Variants in EGLN1 observed in about 807,000 individuals in gnomAD.
The protein encoded by EGLN1 is egl-9 family hypoxia inducible factor 1.
Under a neutral mutation model 38.3 loss-of-function variants are expected in EGLN1, and 17 were observed. The observed-to-expected ratio is 0.44, with a 90% CI of 0.30 to 0.67. The LOEUF is 0.67. EGLN1 is among the 30% of genes least tolerant of loss of function. The pLI is 0.08. For missense variants in EGLN1, 477 were observed against 603.3 expected (o/e 0.79, Z 2.19); for synonymous variants, 283 against 257.5 (o/e 1.10, Z -0.95).
intron 1 of EGLN1, among the ~76,000 whole-genome samples, chr1:231,396,220 G>A (rs1361159637): frequency 6.6e-6 from 1 of 150,376 alleles, no homozygotes; most frequent in East Asian, 1.9e-4. Context: ...TACTGACCCA[G>A]GCAGTTTTTG....
intron 1 of EGLN1, among the ~76,000 whole-genome samples, chr1:231,416,758 T>C (rs1689094022): frequency 6.6e-6 from 1 of 152,166 alleles, no homozygotes; most frequent in Non-Finnish European, 1.5e-5. Flanking sequence ...ACACAAAATG[T>C]TTTCACATAT....
At chr1:231,420,863 G>A (rs1056542420) in intron 1 of EGLN1, 135 bp downstream of exon 1, 12 of 1,551,592 alleles carry the variant, frequency 7.7e-6, no homozygotes, top group Non-Finnish European at 1.1e-5. Flanking sequence ...TCTTCCTTAC[G>A]GGGAGCTACA....
chr1:231,367,436 A>AT, intron 4 of EGLN1, 133 bp downstream of exon 4: 1 of 947,534 alleles, frequency 1.1e-6, no homozygotes. Context: ...AATGAGGCAA[A>AT]TAAGAAATCT....
At chr1:231,393,286 G>C (rs1375581965) in intron 1 of EGLN1, among the ~76,000 whole-genome samples, 1 of 152,174 alleles carries the variant, frequency 6.6e-6, no homozygotes, top group Non-Finnish European at 1.5e-5. Flanking sequence ...AAGCTCATTT[G>C]AAAGATTTTT....
chr1:231,401,601 A>G (rs1176339554), intron 1 of EGLN1, among the ~76,000 whole-genome samples: 1 of 152,102 alleles, frequency 6.6e-6, no homozygotes, highest in Non-Finnish European at 1.5e-5. Context: ...TTTATGTTAC[A>G]ATTTTTAACT....
chr1:231,391,133 T>TGA (rs1163396272), intron 1 of EGLN1, among the ~76,000 whole-genome samples: 1,485 of 56,486 alleles, frequency 0.026, 29 homozygotes, highest in African/African-American at 0.043. Context: ...TGTGTGTGTG[T>TGA]GAGACAGGGA....
chr1:231,375,200 T>G (rs1371201256), intron 1 of EGLN1, among the ~76,000 whole-genome samples: 1 of 152,046 alleles, frequency 6.6e-6, no homozygotes, highest in Non-Finnish European at 1.5e-5. Flanking sequence ...GGATTACAGG[T>G]GCATGCTGCC....
At chr1:231,415,967 C>A (rs1328005219) in intron 1 of EGLN1, among the ~76,000 whole-genome samples, 1 of 152,064 alleles carries the variant, frequency 6.6e-6, no homozygotes. Context: ...CCTACCTCAG[C>A]CTCCCAAGTA....
intron 1 of EGLN1, among the ~76,000 whole-genome samples, chr1:231,395,654 T>G (rs139158345): frequency 7.9e-5 from 12 of 152,324 alleles, no homozygotes; most frequent in African/African-American, 2.6e-4. Flanking sequence ...CCAGTGTATT[T>G]CCCTTGAAAT....
intron 4 of EGLN1, 146 bp from the exon 5 acceptor site, chr1:231,366,621 A>G (rs935721708): frequency 3.7e-6 from 3 of 801,164 alleles, no homozygotes; most frequent in Non-Finnish European, 4.1e-6. Context: ...TGTACTTCCA[A>G]AAACTTCCCT....
intron 1 of EGLN1, among the ~76,000 whole-genome samples, chr1:231,396,322 C>T (rs1688530108): frequency 2.0e-5 from 3 of 151,002 alleles, no homozygotes; most frequent in South Asian, 4.2e-4. Context: ...GGCAGGATCT[C>T]GGCTCACTGC....
rs564650969 is a variant in EGLN1 at position 231,422,265 on chromosome 1, C to A, written c.-377G>T. The A allele has an allele frequency of 1.0e-4, 16 of 158,568 alleles. No individual in the cohort carries two copies. The highest frequency in any genetic ancestry group is 1.8e-4 in the East Asian group (1 of 5,444). The allele number at this position is 158,568 out of a possible 1,614,324, so 9.8% of individuals were successfully genotyped here. ...GCCCAGGCTGTGGAGGAGCGCAGGG[C>A]ATACGGGCGCCACTCGCTCTGCGCG... On this transcript the variant is annotated 5_prime_UTR_variant, in exon 1 of 5. It removes an upstream start codon present in the reference 5' UTR. Coordinates refer to ENST00000366641, the MANE Select transcript of EGLN1 (RefSeq NM_022051.3).
intron 1 of EGLN1, among the ~76,000 whole-genome samples, chr1:231,410,152 T>A (rs947650745): frequency 1.3e-5 from 2 of 152,236 alleles, no homozygotes; most frequent in Admixed American, 1.3e-4. Context: ...GAAAGTCACC[T>A]AATGACTTGC....
intron 1 of EGLN1, among the ~76,000 whole-genome samples, chr1:231,402,916 A>T (rs1422029265): frequency 3.3e-5 from 5 of 151,954 alleles, no homozygotes; most frequent in Non-Finnish European, 7.4e-5. Flanking sequence ...TATTAAAAAA[A>T]AAAAATCAAT....
At chr1:231,390,522 T>C (rs1428537814) in intron 1 of EGLN1, among the ~76,000 whole-genome samples, 1 of 152,238 alleles carries the variant, frequency 6.6e-6, no homozygotes, top group Non-Finnish European at 1.5e-5. Context: ...ACTGAGGTCA[T>C]GCTCCTAAGT....
chr1:231,417,285 CTATTT>C (rs895448344), intron 1 of EGLN1, among the ~76,000 whole-genome samples: 1 of 152,148 alleles, frequency 6.6e-6, no homozygotes, highest in Non-Finnish European at 1.5e-5. Flanking sequence ...TAGTCCCAAC[CTATTT>C]TATTACTCCT....
chr1:231,390,303 G>A (rs577542450), intron 1 of EGLN1, among the ~76,000 whole-genome samples: 2 of 152,130 alleles, frequency 1.3e-5, no homozygotes, highest in Non-Finnish European at 2.9e-5. Flanking sequence ...ACCTCACAGG[G>A]GTATGAATCA....
chr1:231,398,505 C>G (rs1688587418), intron 1 of EGLN1, among the ~76,000 whole-genome samples: 1 of 152,170 alleles, frequency 6.6e-6, no homozygotes, highest in Admixed American at 6.6e-5. Context: ...GGAACACAGT[C>G]ACACTTACGT....
chr1:231,388,143 T>C (rs932636262), intron 1 of EGLN1, among the ~76,000 whole-genome samples: 4 of 152,282 alleles, frequency 2.6e-5, no homozygotes, highest in Admixed American at 1.3e-4. Context: ...AGCAAAGTGA[T>C]TGATGGGCCA....
Sources: gnomAD v4.1 joint callset for allele counts (sites outside exome capture counted in the v4.1 genomes callset) on GRCh38, gnomAD v4.1.1 for gene constraint, MANE v1.5 for transcripts, NCBI Gene and HGNC (gene_info 2026-07-23, HGNC 2026-07-21) for gene names.